KIF26B: variants seen among roughly 807,000 people sequenced by gnomAD.
KIF26B encodes the protein kinesin family member 26B, also known as kinesin-like protein KIF26B.
A neutral mutation model predicts 151.2 loss-of-function variants in KIF26B; 63 were observed. The ratio of observed to expected loss-of-function variants is 0.42; its 90% CI spans 0.34 to 0.51. The LOEUF (loss-of-function observed/expected upper bound fraction) is 0.51, where lower values mean the gene tolerates loss of function less well. Among genes scored for constraint, KIF26B ranks in the 20% least tolerant of loss-of-function variants. The pLI is 0.07. For synonymous variants in KIF26B, 1,357 were observed against 1,262.1 expected, an observed-to-expected ratio of 1.08 and a Z score of -1.59; for missense variants, 2,813 against 2,913.6, an observed-to-expected ratio of 0.97 and a Z score of 0.79.
intron 2 of KIF26B, among the ~76,000 whole-genome samples, chr1:245,267,139 C>T (rs73128822): frequency 0.013 from 1,983 of 152,286 alleles, 43 homozygotes; most frequent in African/African-American, 0.045. Context: ...ACCTCCTCGC[C>T]GCCTGCCACA....
intron 4 of KIF26B, among the ~76,000 whole-genome samples, chr1:245,420,977 AT>A (rs1558159253): frequency 6.6e-6 from 1 of 152,182 alleles, no homozygotes; most frequent in East Asian, 1.9e-4. Context: ...TCTTCATTGT[AT>A]TTTGGTGCTG....
At chr1:245,471,483 A>C (rs1398357225) in intron 4 of KIF26B, among the ~76,000 whole-genome samples, 3 of 152,124 alleles carry the variant, frequency 2.0e-5, no homozygotes, top group Non-Finnish European at 2.9e-5. Flanking sequence ...CTATAAAGAT[A>C]TAGAAGTTAA....
At position 245,478,099 on chromosome 1, in the gene KIF26B, G is replaced by A. The variant is rs1256532559; in HGVS notation, c.1166+58354G>A. On this transcript the variant is annotated intron_variant, in intron 4 of 14. Coordinates refer to ENST00000407071, the MANE Select transcript of KIF26B (RefSeq NM_018012.4). ...GGAATCATACAATACGTGAACTTCT[G>A]TGTCTGCTTTCTTTCACGTCACATA... is the stretch of plus-strand genomic sequence containing the variant. Among the ~76,000 whole-genome samples the A allele has an allele frequency of 2.0e-5, 3 of 151,790 alleles. No individual in the cohort carries two copies. The East Asian group carries it at 5.8e-4, about 29-fold the overall frequency.
chr1:245,574,247 G>A (rs1182864752), intron 5 of KIF26B, among the ~76,000 whole-genome samples: 1 of 152,028 alleles, frequency 6.6e-6, no homozygotes, highest in East Asian at 1.9e-4. Flanking sequence ...GGGTTCAAGC[G>A]ATTCTTGAGC....
intron 10 of KIF26B, among the ~76,000 whole-genome samples, chr1:245,677,814 ATG>A (rs1371869417): frequency 4.6e-5 from 7 of 152,372 alleles, no homozygotes; most frequent in African/African-American, 1.7e-4. Context: ...TTTTGGAGGT[ATG>A]TGTTTCAGTC....
At chr1:245,514,987 A>T (rs550296248) in intron 4 of KIF26B, among the ~76,000 whole-genome samples, 1 of 152,324 alleles carries the variant, frequency 6.6e-6, no homozygotes, top group East Asian at 1.9e-4. Context: ...GAGGACCCAG[A>T]TCCTTAATGA....
intron 2 of KIF26B, among the ~76,000 whole-genome samples, chr1:245,175,893 T>G (rs1668793723): frequency 6.7e-6 from 1 of 149,986 alleles, no homozygotes; most frequent in Non-Finnish European, 1.5e-5. Context: ...GACATTTTCT[T>G]CTCAAAACAT....
intron 2 of KIF26B, among the ~76,000 whole-genome samples, chr1:245,356,132 G>GAC (rs1418147983): frequency 1.3e-5 from 2 of 152,234 alleles, no homozygotes; most frequent in Non-Finnish European, 2.9e-5. Flanking sequence ...CACACTTTGA[G>GAC]AAACAGGCCC....
chr1:245,273,560 T>C (rs1168824338), intron 2 of KIF26B, among the ~76,000 whole-genome samples: 1 of 152,236 alleles, frequency 6.6e-6, no homozygotes, highest in African/African-American at 2.4e-5. Context: ...GCTACATGCA[T>C]ATTTATAATT....
chr1:245,556,004 A>G (rs941154782), intron 5 of KIF26B, among the ~76,000 whole-genome samples: 22 of 134,950 alleles, frequency 1.6e-4, no homozygotes, highest in African/African-American at 5.5e-4. Flanking sequence ...AATATCGGAG[A>G]CTTCTCCTTA....
intron 4 of KIF26B, among the ~76,000 whole-genome samples, chr1:245,447,354 C>T (rs747254165): frequency 3.3e-5 from 5 of 152,170 alleles, no homozygotes; most frequent in African/African-American, 7.2e-5. Context: ...GAATATGCTT[C>T]GTACTGGGAG....
intron 3 of KIF26B, among the ~76,000 whole-genome samples, chr1:245,409,457 C>T (rs1011721005): frequency 6.6e-5 from 10 of 152,182 alleles, no homozygotes; most frequent in Non-Finnish European, 1.0e-4. Context: ...TGAGCAGCCT[C>T]TTCTGTTTGC....
At chr1:245,664,467 C>T in intron 10 of KIF26B, among the ~76,000 whole-genome samples, 1 of 151,970 alleles carries the variant, frequency 6.6e-6, no homozygotes, top group Non-Finnish European at 1.5e-5. Context: ...CTGTTACACA[C>T]CTCTCCTTCT....
In KIF26B at chr1:245,399,936, G is replaced by C. The variant is rs570053974; in HGVS notation, c.1000-19643G>C. On this transcript the variant is annotated intron_variant, in intron 3 of 14. Coordinates refer to ENST00000407071, the MANE Select transcript of KIF26B (RefSeq NM_018012.4). ...CCGAAGTTTACTTTAAAAAAAATCA[G>C]AGCTACGATACCAATGTTCAGTACC... 4.6e-5 allele frequency among the ~76,000 whole-genome samples: 7 copies of C among 152,250 alleles called. No homozygotes were observed. The South Asian group carries it at 1.5e-3, about 32-fold the overall frequency.
intron 5 of KIF26B, among the ~76,000 whole-genome samples, chr1:245,546,301 C>T (rs1404074499): frequency 6.6e-6 from 1 of 152,070 alleles, no homozygotes. Context: ...ACTGCAACCT[C>T]CACCTCCTGG....
intron 2 of KIF26B, among the ~76,000 whole-genome samples, chr1:245,316,671 G>A (rs1458970746): frequency 1.3e-5 from 2 of 152,100 alleles, no homozygotes; most frequent in African/African-American, 4.8e-5. Context: ...CTGTCTGCAA[G>A]CTTAAAATAC....
intron 3 of KIF26B, among the ~76,000 whole-genome samples, chr1:245,380,626 C>T (rs547765773): frequency 1.5e-4 from 23 of 152,294 alleles, no homozygotes; most frequent in South Asian, 8.3e-4. Flanking sequence ...CCAGGTCACA[C>T]GGCTAGGAAG....
chr1:245,653,802 A>G (rs1037416969), intron 10 of KIF26B, among the ~76,000 whole-genome samples: 1 of 152,184 alleles, frequency 6.6e-6, no homozygotes, highest in Non-Finnish European at 1.5e-5. Flanking sequence ...GTTCACACCT[A>G]TAATCTCAGC....
rs528678596 is a variant in KIF26B at position 245,574,298 on chromosome 1, C to G, written c.1351-28279C>G. Among the ~76,000 whole-genome samples the G allele has an allele frequency of 6.6e-5, 10 of 152,148 alleles. No homozygotes were observed. The South Asian group carries it at 1.9e-3, about 28-fold the overall frequency. On this transcript the variant is annotated intron_variant, in intron 5 of 14. Coordinates refer to ENST00000407071, the MANE Select transcript of KIF26B (RefSeq NM_018012.4). ...AGCTGGGATTACAGGCATGTGCCAC[C>G]ATGCCAGGCTAATTTTTGTATTTTT... is the stretch of plus-strand genomic sequence containing the variant.
Sources: allele counts gnomAD v4.1 joint callset (sites outside exome capture counted in the v4.1 genomes callset), GRCh38; gene constraint gnomAD v4.1.1; transcripts MANE v1.5; gene names NCBI Gene and HGNC (gene_info 2026-07-23, HGNC 2026-07-21).